Variants in NEK6 observed in about 807,000 individuals in gnomAD.
NEK6 encodes the protein serine/threonine-protein kinase Nek6.
Under a neutral mutation model 43.5 loss-of-function variants are expected in NEK6, and 27 were observed. The observed-to-expected ratio is 0.62, with a 90% confidence interval of 0.46 to 0.86. The LOEUF (loss-of-function observed/expected upper bound fraction) is 0.86. Among genes scored for constraint, NEK6 ranks in the 40% least tolerant of loss-of-function variants. The probability of loss-of-function intolerance (pLI) is 0.00; values close to 1 mark genes in which losing one functional copy is unlikely to be tolerated. For synonymous variants in NEK6, 167 were observed against 164.1 expected (o/e 1.02, Z -0.14); for missense variants, 318 against 414.4 (o/e 0.77, Z 2.02).
chr9:124,325,609 C>T (rs750520229), intron 5 of NEK6, among the ~76,000 whole-genome samples: 9 of 152,278 alleles, frequency 5.9e-5, no homozygotes, highest in South Asian at 2.1e-4. Flanking sequence ...CTAGCTGAGC[C>T]GTGGCTGTCA....
rs771834677 is a variant in NEK6, at chr9:124,327,360, C to T, written c.537C>T (p.Phe179=). The T allele has an allele frequency of 5.0e-6, 8 of 1,614,010 alleles. No homozygotes were observed. The highest frequency in any genetic ancestry group is 6.8e-6 in the Non-Finnish European group (8 of 1,180,010). ...MHRDIKPANV[F]ITATGVVKLG... Reference sequence around the variant, plus strand: ...CAGACATCAAGCCTGCCAACGTGTTCATCACAGCCACGGGCGTCGTGAAGC... The same window carrying T: ...CAGACATCAAGCCTGCCAACGTGTTTATCACAGCCACGGGCGTCGTGAAGC... Residue 179 remains phenylalanine (F), a synonymous_variant, in exon 7 of 10, where the codon TTC becomes TTT. Coordinates refer to ENST00000320246, the MANE Select transcript of NEK6 (RefSeq NM_014397.6).
intron 1 of NEK6, among the ~76,000 whole-genome samples, chr9:124,280,797 T>G (rs1053618533): frequency 2.0e-5 from 3 of 152,184 alleles, no homozygotes; most frequent in Admixed American, 2.0e-4. Flanking sequence ...TTCTCTTCAT[T>G]TTTTTCTTTT....
Position 124,326,202 on chromosome 9 carries a change from T to TCCCCCCCCCCCCCCCCCCCCCCCCCCCC in NEK6, c.406-117_406-116insCCCCCCCCCCCCCCCCCCCCCCCCCCCC. ...GCTTATTGTTTGCTCAGTGGCTCAA[T>TCCCCCCCCCCCCCCCCCCCCCCCCCCCC]CCCCCCCCCCCGCCCCTGCCAGGCA... On this transcript the variant is annotated intron_variant, in intron 5 of 9. Coordinates refer to ENST00000320246, the MANE Select transcript of NEK6 (RefSeq NM_014397.6). This position sits in a 1 kb window ranked among gnomAD's most constrained non-coding sequence, Gnocchi z 4.5. 2 of 124,052 alleles carry TCCCCCCCCCCCCCCCCCCCCCCCCCCCC rather than the reference T, an allele frequency of 1.6e-5. 1 individual carries two copies. The highest frequency in any genetic ancestry group is 4.0e-5 in the Non-Finnish European group (2 of 50,618). 7.7% of individuals were successfully genotyped at this position (124,052 alleles called of 1,614,324 possible).
intron 1 of NEK6, chr9:124,292,615 G>T (rs1291858259): frequency 6.6e-7 from 1 of 1,510,030 alleles, no homozygotes; most frequent in Non-Finnish European, 8.9e-7. Context: ...CTGTCAGTCA[G>T]CAGGGTAGTA....
chr9:124,300,340 C>T (rs969573953), intron 1 of NEK6, among the ~76,000 whole-genome samples: 6 of 152,086 alleles, frequency 3.9e-5, no homozygotes, highest in Admixed American at 1.3e-4. Context: ...TGTGACAGCC[C>T]GGAGGGTGTT....
intron 1 of NEK6, chr9:124,291,816 C>T (rs182306578): frequency 5.1e-6 from 5 of 985,370 alleles, no homozygotes; most frequent in East Asian, 1.1e-4. Flanking sequence ...CAGGGGGCTC[C>T]GTGGCGGCTG....
chr9:124,313,696 G>A (rs141518266), intron 3 of NEK6, among the ~76,000 whole-genome samples: 5 of 152,172 alleles, frequency 3.3e-5, no homozygotes, highest in African/African-American at 1.2e-4. Context: ...GCTCACCTGG[G>A]CTCTCTGTCT....
chr9:124,271,239 TG>T (rs1281817030), intron 1 of NEK6, among the ~76,000 whole-genome samples: 4 of 152,196 alleles, frequency 2.6e-5, no homozygotes, highest in Non-Finnish European at 4.4e-5. Context: ...GCTCCTTGAG[TG>T]ACAAGGGTCA....
chr9:124,289,142 G>C (rs1450334623), intron 1 of NEK6, among the ~76,000 whole-genome samples: 3 of 144,488 alleles, frequency 2.1e-5, no homozygotes, highest in African/African-American at 5.3e-5. Context: ...CACCACGCCT[G>C]ACCTAGTTAA....
At chr9:124,344,900 G>A (rs1245127904) in intron 8 of NEK6, among the ~76,000 whole-genome samples, 5 of 152,216 alleles carry the variant, frequency 3.3e-5, no homozygotes, top group African/African-American at 9.6e-5. Context: ...ACGCCCCTCC[G>A]TGGTGGAGGA....
rs548760435 is a variant in NEK6, at chr9:124,343,212, G to A, written c.717+3547G>A. 1.1e-3 allele frequency among the ~76,000 whole-genome samples: 172 copies of A among 151,662 alleles called. No individual in the cohort carries two copies. The highest frequency in any genetic ancestry group is 3.4e-3 in the Middle Eastern group (1 of 294). ...GGGCTGTGCGGCTCGCAGCTGGGGG[G>A]GCTGGACCACAGCCGGGGGGCGGTG... is the stretch of plus-strand genomic sequence containing the variant. On this transcript the variant is annotated intron_variant, in intron 8 of 9. Transcript: ENST00000320246. This position sits in a 1 kb window ranked among gnomAD's most constrained non-coding sequence, Gnocchi z 5.1.
chr9:124,342,276 C>G (rs985611992), intron 8 of NEK6, among the ~76,000 whole-genome samples: 1 of 152,234 alleles, frequency 6.6e-6, no homozygotes. Flanking sequence ...CGTTCTAGGT[C>G]TCCCAAGGCC....
At chr9:124,309,857 C>G (rs970235061) in intron 2 of NEK6, among the ~76,000 whole-genome samples, 5 of 152,206 alleles carry the variant, frequency 3.3e-5, no homozygotes, top group Admixed American at 1.3e-4. Flanking sequence ...CAGGCACATT[C>G]CATGTGTCAT....
At chr9:124,269,583 G>A (rs1341866646) in intron 1 of NEK6, among the ~76,000 whole-genome samples, 2 of 151,868 alleles carry the variant, frequency 1.3e-5, no homozygotes, top group African/African-American at 2.4e-5. Flanking sequence ...CACCATGTTG[G>A]CCAGGCTGGT....
At chr9:124,277,842 A>G (rs931067475) in intron 1 of NEK6, among the ~76,000 whole-genome samples, 4 of 152,156 alleles carry the variant, frequency 2.6e-5, no homozygotes, top group Non-Finnish European at 4.4e-5. Context: ...CTGCCTCGTG[A>G]ATCTGCAAGA....
chr9:124,311,909 C>T (rs1219593382), intron 2 of NEK6, among the ~76,000 whole-genome samples: 1 of 152,216 alleles, frequency 6.6e-6, no homozygotes, highest in African/African-American at 2.4e-5. Flanking sequence ...AGGCTGGTCT[C>T]GAACTCCTGA....
At chr9:124,342,443 G>T (rs895201366) in intron 8 of NEK6, among the ~76,000 whole-genome samples, 1 of 152,228 alleles carries the variant, frequency 6.6e-6, no homozygotes, top group East Asian at 1.9e-4. Flanking sequence ...AGCCCCTCCC[G>T]GGTGGGCCTC....
At chr9:124,312,472 C>A in intron 2 of NEK6, 37 bp from the exon 3 acceptor site, 1 of 1,600,288 alleles carries the variant, frequency 6.2e-7, no homozygotes, top group South Asian at 1.1e-5. Context: ...CTGCTGCAGC[C>A]TGGCTGCTCA....
At position 124,258,022 on chromosome 9, in the gene NEK6, G is replaced by C; in HGVS notation, c.-93G>C. The C allele has an allele frequency of 1.0e-6, 1 of 979,072 alleles. No individual in the cohort carries two copies. 60.6% of individuals were successfully genotyped at this position (979,072 alleles called of 1,614,324 possible). A position where few individuals can be genotyped will look rare whatever the true frequency, so the allele number is the denominator to read the frequency against. ...GCCGCAAACTCGTGTGGGACGCACC[G>C]CTCCAGCCGCCCGCGGGCCAGCGCA... is the stretch of plus-strand genomic sequence containing the variant. On this transcript the variant is annotated 5_prime_UTR_variant, in exon 1 of 10. Coordinates refer to ENST00000320246, the MANE Select transcript of NEK6 (RefSeq NM_014397.6).
Sources: allele counts gnomAD v4.1 joint callset (sites outside exome capture counted in the v4.1 genomes callset), GRCh38; gene constraint gnomAD v4.1.1; non-coding constraint Gnocchi (gnomAD v3.1); transcripts MANE v1.5; gene names NCBI Gene and HGNC (gene_info 2026-07-23, HGNC 2026-07-21).